PLCG2: variants seen among roughly 807,000 people sequenced by gnomAD.
PLCG2 encodes 1-phosphatidylinositol 4,5-bisphosphate phosphodiesterase gamma-2.
A neutral mutation model predicts 175.6 loss-of-function variants in PLCG2; 69 were observed. The observed-to-expected ratio is 0.39, with a 90% CI of 0.32 to 0.48. PLCG2 has a LOEUF of 0.48. Ranked by LOEUF, PLCG2 falls within the 20% of genes least tolerant of loss-of-function variation. The pLI, the probability that PLCG2 is intolerant of heterozygous loss-of-function variation, is 0.91. For synonymous variants in PLCG2, 827 were observed against 624.0 expected (o/e 1.33, Z -4.85); for missense variants, 1,798 against 1,650.9 (o/e 1.09, Z -1.54).
intron 22 of PLCG2, among the ~76,000 whole-genome samples, chr16:81,925,332 C>G (rs1009716418): frequency 1.3e-5 from 2 of 152,152 alleles, no homozygotes; most frequent in East Asian, 1.9e-4. Context: ...CAATTATTGT[C>G]TGAACCAAGA....
chr16:81,760,754 AAAAAAT>A (rs1012030773), intron 2 of PLCG2, among the ~76,000 whole-genome samples: 1 of 90,054 alleles, frequency 1.1e-5, no homozygotes, highest in Non-Finnish European at 2.8e-5. Flanking sequence ...CTATTAAAAA[AAAAAAT>A]AATAATAATA....
In PLCG2 at chr16:81,940,019, T is replaced by C; in HGVS notation, c.3441T>C (p.Phe1147=). The change falls in exon 30 of 33, where the codon TTT becomes TTC. Residue 1147 remains phenylalanine, a synonymous_variant. Coordinates refer to ENST00000564138, the MANE Select transcript of PLCG2 (RefSeq NM_002661.5). ...AAGATATGTTCAGCGATCCCAACTTTCTTGCTCATGCCACTTACCCCATTA... is the reference window on the plus strand; with the variant it reads ...AAGATATGTTCAGCGATCCCAACTTCCTTGCTCATGCCACTTACCCCATTA... The part of the protein sequence containing the change: ...YEEDMFSDPN[F]LAHATYPIKA... The C allele has an allele frequency of 2.5e-6, 4 of 1,614,088 alleles. No homozygotes were observed. The highest frequency in any genetic ancestry group is 3.4e-6 in the Non-Finnish European group (4 of 1,179,912).
At chr16:81,937,960 G>A (rs1910785388) in intron 28 of PLCG2, 57 bp downstream of exon 28, 3 of 1,565,054 alleles carry the variant, frequency 1.9e-6, no homozygotes, top group Admixed American at 1.7e-5. Flanking sequence ...TGGGGGCTGG[G>A]CCGATGCTGT....
chr16:81,895,366 C>T (rs180866587), intron 12 of PLCG2, among the ~76,000 whole-genome samples: 1 of 152,266 alleles, frequency 6.6e-6, no homozygotes, highest in Non-Finnish European at 1.5e-5. Context: ...TGAGACCACC[C>T]TGGCCAACAT....
chr16:81,773,369 T>C (rs894544952), intron 2 of PLCG2, among the ~76,000 whole-genome samples: 3 of 152,168 alleles, frequency 2.0e-5, no homozygotes, highest in African/African-American at 7.2e-5. Context: ...GAATACGTCC[T>C]AGTGGAGACT....
At chr16:81,828,438 C>G (rs374427522) in intron 2 of PLCG2, among the ~76,000 whole-genome samples, 2 of 151,848 alleles carry the variant, frequency 1.3e-5, no homozygotes, top group African/African-American at 2.4e-5. Flanking sequence ...CTGGGTTTCA[C>G]CATGTTAGCC....
intron 2 of PLCG2, among the ~76,000 whole-genome samples, chr16:81,802,724 A>C (rs1911789218): frequency 6.6e-6 from 1 of 152,116 alleles, no homozygotes; most frequent in African/African-American, 2.4e-5. Flanking sequence ...GGCATGCGCC[A>C]CCACGCCCAG....
chr16:81,846,654 A>G (rs1267460568), intron 2 of PLCG2, among the ~76,000 whole-genome samples: 1 of 152,240 alleles, frequency 6.6e-6, no homozygotes, highest in African/African-American at 2.4e-5. Flanking sequence ...TAGATAGTCC[A>G]TGTTCATGGA....
chr16:81,790,739 G>T (rs1006332940), intron 2 of PLCG2, among the ~76,000 whole-genome samples: 2 of 152,172 alleles, frequency 1.3e-5, no homozygotes, highest in African/African-American at 2.4e-5. Flanking sequence ...CTAAAGCAGC[G>T]TGTGGTTCTC....
rs145148290 is a variant in PLCG2 at position 81,908,765 on chromosome 16, C to T, written c.1733+174C>T. Among the ~76,000 whole-genome samples, 182 of 152,192 alleles carry T rather than the reference C, an allele frequency of 1.2e-3. 3 individuals carry two copies. The highest frequency in any genetic ancestry group is 4.1e-3 in the African/African-American group (172 of 41,532). On this transcript the variant is annotated intron_variant, in intron 17 of 32. Coordinates refer to ENST00000564138, the MANE Select transcript of PLCG2 (RefSeq NM_002661.5). ...AGGGTGAGGTGGGTATGACTCACTT[C>T]GGCACTGTAACCCAGATTAATGAGA...
At chr16:81,884,109 G>A (rs2143578856) in intron 9 of PLCG2, among the ~76,000 whole-genome samples, 1 of 152,348 alleles carries the variant, frequency 6.6e-6, no homozygotes, top group Middle Eastern at 3.4e-3. Context: ...CCAGCACTTT[G>A]GGAGGCCGAG....
intron 11 of PLCG2, among the ~76,000 whole-genome samples, chr16:81,893,305 G>C (rs4424902): frequency 2.6e-5 from 4 of 152,220 alleles, no homozygotes; most frequent in Non-Finnish European, 5.9e-5. Context: ...TCTGTGCCTG[G>C]CCTCAAGCCT....
At chr16:81,812,011 C>G (rs1904339504) in intron 2 of PLCG2, among the ~76,000 whole-genome samples, 1 of 149,568 alleles carries the variant, frequency 6.7e-6, no homozygotes, top group African/African-American at 2.5e-5. Flanking sequence ...TCCTATTTCT[C>G]TACATCCTCT....
intron 1 of PLCG2, among the ~76,000 whole-genome samples, chr16:81,747,344 G>A (rs1009598707): frequency 2.6e-5 from 4 of 152,086 alleles, no homozygotes; most frequent in Admixed American, 2.6e-4. Context: ...AGACCAGCCT[G>A]GCCAACATGT....
At chr16:81,896,844 T>C (rs1243756095) in intron 13 of PLCG2, among the ~76,000 whole-genome samples, 2 of 152,170 alleles carry the variant, frequency 1.3e-5, no homozygotes, top group Non-Finnish European at 2.9e-5. Context: ...ATTTAACAGA[T>C]GAGTAAATTG....
chr16:81,927,259 G>A (rs1385705393), intron 23 of PLCG2, 81 bp downstream of exon 23: 1 of 931,648 alleles, frequency 1.1e-6, no homozygotes, highest in Non-Finnish European at 1.8e-6. Context: ...CATCTCAGTG[G>A]GTGAATTTTT....
chr16:81,867,772 A>G (rs1405473025), intron 5 of PLCG2, among the ~76,000 whole-genome samples: 1 of 151,426 alleles, frequency 6.6e-6, no homozygotes, highest in Non-Finnish European at 1.5e-5. Flanking sequence ...ATCTCGGCTC[A>G]CTGCAAGCTC....
intron 2 of PLCG2, among the ~76,000 whole-genome samples, chr16:81,792,433 A>G (rs1446824903): frequency 1.5e-5 from 2 of 137,638 alleles, no homozygotes; most frequent in African/African-American, 5.5e-5. Flanking sequence ...GTGAGCCGAG[A>G]TCACTCCACT....
intron 14 of PLCG2, among the ~76,000 whole-genome samples, chr16:81,903,101 A>G (rs1440109120): frequency 1.3e-5 from 2 of 152,152 alleles, no homozygotes; most frequent in Non-Finnish European, 2.9e-5. Context: ...ATACCATTAC[A>G]TTGGGGATTA....
Sources: allele counts gnomAD v4.1 joint callset (sites outside exome capture counted in the v4.1 genomes callset), GRCh38; gene constraint gnomAD v4.1.1; transcripts MANE v1.5; gene names NCBI Gene and HGNC (gene_info 2026-07-23, HGNC 2026-07-21).